The following TRIOBP variants were observed in gnomAD, a reference collection of about 807,000 sequenced individuals.
TRIOBP encodes TRIO and F-actin binding protein.
TRIOBP carries 169 observed loss-of-function variants against 238.8 expected under a neutral mutation model. That is an observed-to-expected ratio of 0.71 (90% confidence interval 0.62 to 0.80). The LOEUF is 0.80. Among genes scored for constraint, TRIOBP ranks in the 30% least tolerant of loss-of-function variants. The probability of loss-of-function intolerance (pLI) is 0.00; values close to 1 mark genes in which losing one functional copy is unlikely to be tolerated. For synonymous variants in TRIOBP, 1,150 were observed against 1,274.4 expected (o/e 0.90, Z 2.08); for missense variants, 2,838 against 3,122.6 (o/e 0.91, Z 2.17).
chr22:37,734,859 A>T lies in TRIOBP; in HGVS notation c.4523A>T (p.Lys1508Met), dbSNP rs1362836215. ...PTHELPRELG[K>M]RSPLTSPPEN... ...CATGAGCTCCCCAGAGAACTAGGAA[A>T]GAGAAGCCCACTCACGAGCCCCCCT... Residue 1508 changes from lysine to methionine, a missense_variant, in exon 9 of 24, where the codon AAG (lysine) becomes ATG (methionine). This residue lies in a region of TRIOBP where 2,096 missense variants were observed against 2,137.4 expected (regional missense o/e 0.98). Coordinates refer to ENST00000644935, the MANE Select transcript of TRIOBP (RefSeq NM_001039141.3). 1 of 1,612,810 alleles carries T rather than the reference A, an allele frequency of 6.2e-7. No homozygotes were observed. The highest frequency in any genetic ancestry group is 1.3e-5 in the African/African-American group (1 of 74,906).
intron 17 of TRIOBP, among the ~76,000 whole-genome samples, chr22:37,762,565 T>C (rs1470000593): frequency 6.6e-6 from 1 of 152,116 alleles, no homozygotes; most frequent in Non-Finnish European, 1.5e-5. Flanking sequence ...AGGTGCCCCA[T>C]TGGGTGCACC....
intron 10 of TRIOBP, among the ~76,000 whole-genome samples, chr22:37,739,459 G>A (rs950199141): frequency 6.6e-6 from 1 of 152,104 alleles, no homozygotes; most frequent in East Asian, 1.9e-4. Flanking sequence ...GGGCCCTGCC[G>A]TGAGTCAAAG....
chr22:37,720,362 A>G (rs963021761), intron 6 of TRIOBP, among the ~76,000 whole-genome samples: 1 of 152,040 alleles, frequency 6.6e-6, no homozygotes, highest in Middle Eastern at 3.2e-3. Context: ...GATGGGATTC[A>G]CCAGTTTTTC....
intron 22 of TRIOBP, chr22:37,771,943 A>G (rs1926798723): frequency 1.5e-6 from 1 of 683,860 alleles, no homozygotes; most frequent in African/African-American, 1.8e-5. Flanking sequence ...CCAAGGCTGT[A>G]CTTGGCTTCT....
intron 17 of TRIOBP, among the ~76,000 whole-genome samples, chr22:37,764,904 G>A (rs777562055): frequency 6.6e-6 from 1 of 152,248 alleles, no homozygotes; most frequent in Non-Finnish European, 1.5e-5. Flanking sequence ...TGAGGCAGGG[G>A]AGAGGCTGCC....
intron 9 of TRIOBP, among the ~76,000 whole-genome samples, 188 bp from the exon 10 acceptor site, chr22:37,738,454 T>C (rs926776685): frequency 6.6e-6 from 1 of 152,042 alleles, no homozygotes; most frequent in Non-Finnish European, 1.5e-5. Context: ...AGACAATGGA[T>C]GATGGGTACA....
Position 37,745,054 on chromosome 22 carries a change from G to T in TRIOBP, c.5322+4022G>T, listed in dbSNP as rs566911908. ...TAATTTTTGTATTTTTAGTAGAGACGGGGTTTCACCATGTTGGCCAGTCTG... is the reference window on the plus strand; with the variant it reads ...TAATTTTTGTATTTTTAGTAGAGACTGGGTTTCACCATGTTGGCCAGTCTG... On this transcript the variant is annotated intron_variant, in intron 11 of 23. Coordinates refer to ENST00000644935, the MANE Select transcript of TRIOBP (RefSeq NM_001039141.3). Among the ~76,000 whole-genome samples the T allele has an allele frequency of 2.2e-4, 34 of 151,916 alleles. No individual in the cohort carries two copies. The South Asian group carries it at 7.1e-3, about 32-fold the overall frequency.
chr22:37,713,287 C>T lies in TRIOBP; in HGVS notation c.332C>T (p.Ala111Val). 1 of 1,614,006 alleles carries T rather than the reference C, an allele frequency of 6.2e-7. No individual in the cohort carries two copies. The highest frequency in any genetic ancestry group is 8.5e-7 in the Non-Finnish European group (1 of 1,179,902). The change falls in exon 5 of 24, where the codon GCA becomes GTA. Residue 111 changes from alanine to valine, a missense_variant. Transcript: ENST00000644935. ...AGGAGCAGGAGCCGGGAGCTTGAGGCAGTACCCTATCTGGAGGGCCTGACC... is the reference window on the plus strand; with the variant it reads ...AGGAGCAGGAGCCGGGAGCTTGAGGTAGTACCCTATCTGGAGGGCCTGACC... ...APRSRSRELE[A>V]VPYLEGLTTS... is the part of the protein sequence containing the mutation.
chr22:37,707,877 G>A (rs996722174), intron 3 of TRIOBP, among the ~76,000 whole-genome samples: 3 of 150,500 alleles, frequency 2.0e-5, no homozygotes, highest in African/African-American at 7.4e-5. Context: ...GGGAGGCAGA[G>A]GTTGCAGTGA....
rs113361804 is a variant in TRIOBP at position 37,753,964 on chromosome 22, G to A, written c.5380-913G>A. Reference sequence around the variant, plus strand: ...TGGCATACTATCAGGCTGTTCTGGCGCCCCCACCCCTTTCCTACATGTCCT... The same window carrying A: ...TGGCATACTATCAGGCTGTTCTGGCACCCCCACCCCTTTCCTACATGTCCT... On this transcript the variant is annotated intron_variant, in intron 12 of 23. Coordinates refer to ENST00000644935, the MANE Select transcript of TRIOBP (RefSeq NM_001039141.3). Among the ~76,000 whole-genome samples, 979 of 152,222 alleles carry A rather than the reference G, an allele frequency of 6.4e-3. 11 individuals carry two copies. Among genetic ancestry groups the A allele is most frequent in the African/African-American group, 0.022 (928 of 41,536 alleles).
At chr22:37,754,406 C>T (rs558267726) in intron 12 of TRIOBP, among the ~76,000 whole-genome samples, 1 of 139,726 alleles carries the variant, frequency 7.2e-6, no homozygotes, top group African/African-American at 2.8e-5. Flanking sequence ...AAGAGCAAAA[C>T]TCCTCCATCT....
intron 6 of TRIOBP, among the ~76,000 whole-genome samples, chr22:37,719,988 T>TCACACTGCACTCACTGTTTCCCTCA (rs1555895416): frequency 3.2e-5 from 1 of 30,882 alleles, no homozygotes; most frequent in African/African-American, 1.2e-4. Context: ...GTTTCACTCA[T>TCACACTGCACTCACTGTTTCCCTCA]CCCCCCCCGC....
chr22:37,756,952 G>T (rs1925957284), intron 15 of TRIOBP, among the ~76,000 whole-genome samples: 1 of 152,212 alleles, frequency 6.6e-6, no homozygotes, highest in Non-Finnish European at 1.5e-5. Context: ...TCACCTCATT[G>T]ATCACCATTT....
At chr22:37,755,481 G>T in intron 14 of TRIOBP, 69 bp from the exon 15 acceptor site, 1 of 1,399,254 alleles carries the variant, frequency 7.1e-7, no homozygotes, top group South Asian at 1.2e-5. Context: ...CACCCTCCCT[G>T]GGGTCCATAG....
At position 37,735,413 on chromosome 22, in the gene TRIOBP, G is replaced by T. The variant is rs1254071733; in HGVS notation, c.5077G>T (p.Ala1693Ser). ...QTGPLGSRST[A>S]KGPSLPELQF... ...GGGCCCCCTGGGGAGCAGGAGCACT[G>T]CGAAGGGCCCCAGCTTGCCAGAGCT... The change falls in exon 9 of 24, where the codon GCG becomes TCG. Residue 1693 changes from alanine (A) to serine (S), a missense_variant. This residue lies in a region of TRIOBP where 2,096 missense variants were observed against 2,137.4 expected (regional missense o/e 0.98). Transcript: ENST00000644935. The T allele has an allele frequency of 1.3e-6, 2 of 1,584,362 alleles. No homozygotes were observed. The highest frequency in any genetic ancestry group is 2.7e-5 in the African/African-American group (2 of 74,192).
At chr22:37,710,009 A>G (rs1429958219) in intron 3 of TRIOBP, among the ~76,000 whole-genome samples, 1 of 152,126 alleles carries the variant, frequency 6.6e-6, no homozygotes, top group Non-Finnish European at 1.5e-5. Context: ...ACCCTGGTGG[A>G]TCCTTCTATC....
intron 20 of TRIOBP, 25 bp downstream of exon 20, chr22:37,769,212 G>T: frequency 1.9e-6 from 3 of 1,591,996 alleles, no homozygotes; most frequent in Non-Finnish European, 1.7e-6. Context: ...AGGTTGGGGG[G>T]ACACGGGTGG....
Position 37,765,814 on chromosome 22 carries a change from T to G in TRIOBP, c.6469T>G (p.Ser2157Ala). Residue 2157 changes from serine to alanine, a missense_variant, in exon 18 of 24, where the codon TCA (serine) becomes GCA (alanine). Around this residue, in one of 5 missense-constraint regions of TRIOBP, gnomAD observed 2,096 missense variants for 2,137.4 expected, o/e 0.98. Transcript: ENST00000644935. ...GGCTGAGGAGACGGCAGCCACGGCC[T>G]CAGGTATGGACCCTGGGGGGGGCAC... ...LLAEETAATA[S>A]AIEAMKKAYQ... 6.4e-7 allele frequency: 1 copy of G among 1,552,576 alleles called. No individual in the cohort carries two copies. Among genetic ancestry groups the G allele is most frequent in the Non-Finnish European group, 8.6e-7 (1 of 1,161,146 alleles).
Position 37,723,565 on chromosome 22 carries a change from TG to T in TRIOBP, c.1011del (p.Trp337Ter). ...EDTPRASSTQ[W>X]NTPRASSPSR... is the part of the protein sequence containing the mutation. ...CACCCCCAGGGCCTCATCTACACAG[TG>T]GAACACCCCCAGAGCTTCCTCTCCC... is the stretch of plus-strand genomic sequence containing the variant. On this transcript the variant is annotated frameshift_variant, in exon 7 of 24. Coordinates refer to ENST00000644935, the MANE Select transcript of TRIOBP (RefSeq NM_001039141.3). LOFTEE classifies it high-confidence loss of function. The T allele has an allele frequency of 1.9e-6, 3 of 1,613,864 alleles. No individual in the cohort carries two copies. Among genetic ancestry groups the T allele is most frequent in the Non-Finnish European group, 2.5e-6 (3 of 1,179,938 alleles).
Sources: gnomAD v4.1 joint callset for allele counts (sites outside exome capture counted in the v4.1 genomes callset) on GRCh38, gnomAD v4.1.1 for gene constraint, gnomAD v4.1.1 regional missense constraint, MANE v1.5 for transcripts, NCBI Gene and HGNC (gene_info 2026-07-23, HGNC 2026-07-21) for gene names.